USH2A: variants seen among roughly 807,000 people sequenced by gnomAD.
The protein encoded by USH2A is Usher syndrome 2A (autosomal recessive, mild).
USH2A carries 443 observed loss-of-function variants against 538.9 expected under a neutral mutation model. That is an observed-to-expected ratio of 0.82 (90% CI 0.76 to 0.89). The LOEUF (loss-of-function observed/expected upper bound fraction) is 0.89, where lower values mean the gene tolerates loss of function less well. Ranked by LOEUF, USH2A falls within the 40% of genes least tolerant of loss-of-function variation. The pLI, the probability that USH2A is intolerant of heterozygous loss-of-function variation, is 0.00. For synonymous variants in USH2A, 2,413 were observed against 2,273.5 expected (o/e 1.06, Z -1.75); for missense variants, 6,633 against 6,324.8 (o/e 1.05, Z -1.65).
intron 3 of USH2A, among the ~76,000 whole-genome samples, chr1:216,405,551 AT>A (rs2039381444): frequency 6.6e-6 from 1 of 152,218 alleles, no homozygotes; most frequent in Admixed American, 6.5e-5. Flanking sequence ...TTTATTTTAA[AT>A]GCTACAAAGG....
At chr1:215,907,847 G>C (rs1390083866) in intron 38 of USH2A, among the ~76,000 whole-genome samples, 5 of 152,008 alleles carry the variant, frequency 3.3e-5, no homozygotes, top group Non-Finnish European at 7.4e-5. Flanking sequence ...ATGAATCAAT[G>C]GTTGGAAAGA....
chr1:215,912,474 TA>T (rs1665818128), intron 38 of USH2A, among the ~76,000 whole-genome samples: 1 of 15,138 alleles, frequency 6.6e-5, no homozygotes, highest in Admixed American at 8.5e-4. Context: ...TATATATATA[TA>T]CGTATATATA....
chr1:216,005,903 T>C (rs757903757), intron 32 of USH2A, among the ~76,000 whole-genome samples: 1 of 152,254 alleles, frequency 6.6e-6, no homozygotes, highest in Non-Finnish European at 1.5e-5. Flanking sequence ...TTTTGTGATA[T>C]ATATTTATAT....
At chr1:216,041,513 T>C (rs188700695) in intron 32 of USH2A, among the ~76,000 whole-genome samples, 101 of 152,136 alleles carry the variant, frequency 6.6e-4, no homozygotes, top group African/African-American at 2.3e-3. Flanking sequence ...CGATTCTATA[T>C]GGAAACCTAA....
At chr1:215,696,420 G>C (rs1168355733) in intron 61 of USH2A, among the ~76,000 whole-genome samples, 1 of 152,180 alleles carries the variant, frequency 6.6e-6, no homozygotes, top group African/African-American at 2.4e-5. Context: ...CTGGAAAACT[G>C]TCAGAACTGA....
chr1:216,291,843 T>C (rs2037007879), intron 10 of USH2A, among the ~76,000 whole-genome samples: 1 of 152,194 alleles, frequency 6.6e-6, no homozygotes, highest in African/African-American at 2.4e-5. Context: ...ACTTTAAGGA[T>C]ATGTGTTCAA....
intron 35 of USH2A, among the ~76,000 whole-genome samples, chr1:215,975,305 T>C (rs541112103): frequency 1.3e-5 from 2 of 152,326 alleles, no homozygotes; most frequent in East Asian, 3.9e-4. Context: ...TAGTTTATTT[T>C]GCTGTGCTGA....
chr1:216,393,413 T>C (rs1417310948), intron 3 of USH2A, among the ~76,000 whole-genome samples: 1 of 152,164 alleles, frequency 6.6e-6, no homozygotes, highest in Non-Finnish European at 1.5e-5. Context: ...CATAAGTAAT[T>C]TGCATTCTAG....
At chr1:216,313,825 A>C (rs1360310400) in intron 9 of USH2A, among the ~76,000 whole-genome samples, 2 of 152,124 alleles carry the variant, frequency 1.3e-5, no homozygotes, top group East Asian at 3.9e-4. Flanking sequence ...TTCTCTCTGC[A>C]TTTCAAAGGC....
chr1:216,036,908 C>T (rs2030005408), intron 32 of USH2A, among the ~76,000 whole-genome samples: 1 of 151,908 alleles, frequency 6.6e-6, no homozygotes, highest in South Asian at 2.1e-4. Context: ...CAAAAGAGAA[C>T]ATATAAGGGA....
intron 40 of USH2A, among the ~76,000 whole-genome samples, chr1:215,896,043 C>T (rs1665331910): frequency 6.6e-6 from 1 of 152,192 alleles, no homozygotes; most frequent in Non-Finnish European, 1.5e-5. Flanking sequence ...TGTGGTTCAT[C>T]ATCAACTGAA....
rs1659745747 is a variant in USH2A, at chr1:215,724,241, AC to A, written c.12066+3788del. Among the ~76,000 whole-genome samples the A allele has an allele frequency of 5.0e-5, 7 of 140,556 alleles. No individual in the cohort carries two copies. In the South Asian group the frequency reaches 1.5e-3, roughly 29 times the overall value. The allele number at this position is 140,556 out of a possible 152,430, so 92.2% of individuals were successfully genotyped here. On this transcript the variant is annotated intron_variant, in intron 61 of 71. Coordinates refer to ENST00000307340, the MANE Select transcript of USH2A (RefSeq NM_206933.4). ...GTGAAACACACACACACACACACACACACACACAAACACACACACTGTAGAA... is the reference window on the plus strand; with the variant it reads ...GTGAAACACACACACACACACACACAACACACAAACACACACACTGTAGAA...
rs766030449 is a variant in USH2A, at chr1:216,281,865, GTT to G, written c.1971+7413_1971+7414del. Among the ~76,000 whole-genome samples, 586 of 96,438 alleles carry G rather than the reference GTT, an allele frequency of 6.1e-3. 2 individuals carry two copies. Among genetic ancestry groups the G allele is most frequent in the African/African-American group, 0.022 (564 of 25,202 alleles). The allele number at this position is 96,438 out of a possible 152,430, so 63.3% of individuals were successfully genotyped here. A position where few individuals can be genotyped will look rare whatever the true frequency, so the allele number is the denominator to read the frequency against. ...TCCTCACCAAATTTTGTTTTTGTCTGTTTTTTTTTTTTTTTTTTTTTTGAGTT... is the reference window on the plus strand; with the variant it reads ...TCCTCACCAAATTTTGTTTTTGTCTGTTTTTTTTTTTTTTTTTTTTGAGTT... On this transcript the variant is annotated intron_variant, in intron 11 of 71. Transcript: ENST00000307340.
At chr1:216,242,304 C>T (rs992428937) in intron 13 of USH2A, among the ~76,000 whole-genome samples, 5 of 151,076 alleles carry the variant, frequency 3.3e-5, no homozygotes, top group East Asian at 1.9e-4. Context: ...GCCGAGACTG[C>T]GCCACTGAAC....
chr1:216,207,137 G>A, intron 16 of USH2A, 136 bp downstream of exon 16: 8 of 1,011,092 alleles, frequency 7.9e-6, no homozygotes, highest in Non-Finnish European at 1.2e-5. Context: ...AGTGAAATTT[G>A]TAATTTTATC....
chr1:216,089,151 G>T lies in USH2A; in HGVS notation c.4759-12C>A, dbSNP rs1249512021. On this transcript the variant is annotated splice_polypyrimidine_tract_variant and intron_variant, in intron 22 of 71. Transcript: ENST00000307340. ...TCCACTGGTGACCCCTTAAGGGAATGAATGAATAAATAAATGTTTATACAT... is the reference window on the plus strand; with the variant it reads ...TCCACTGGTGACCCCTTAAGGGAATTAATGAATAAATAAATGTTTATACAT... The T allele has an allele frequency of 6.2e-7, 1 of 1,610,802 alleles. No homozygotes were observed. Among genetic ancestry groups the T allele is most frequent in the Non-Finnish European group, 8.5e-7 (1 of 1,177,660 alleles).
intron 43 of USH2A, among the ~76,000 whole-genome samples, chr1:215,867,507 C>A (rs1312184123): frequency 1.3e-5 from 2 of 152,208 alleles, no homozygotes; most frequent in Admixed American, 6.5e-5. Context: ...ATTCAAGATG[C>A]AATTACAAAT....
chr1:216,378,152 T>C (rs528938711), intron 3 of USH2A, among the ~76,000 whole-genome samples: 1 of 152,248 alleles, frequency 6.6e-6, no homozygotes, highest in South Asian at 2.1e-4. Flanking sequence ...CCTAAACTAT[T>C]TCCAGATATC....
intron 4 of USH2A, among the ~76,000 whole-genome samples, chr1:216,348,730 G>T (rs1048107829): frequency 3.3e-5 from 5 of 152,066 alleles, no homozygotes; most frequent in East Asian, 1.9e-4. Context: ...AAAAGAAAAA[G>T]AATTGCTTCA....
Sources: allele counts gnomAD v4.1 joint callset (sites outside exome capture counted in the v4.1 genomes callset), GRCh38; gene constraint gnomAD v4.1.1; transcripts MANE v1.5; gene names NCBI Gene and HGNC (gene_info 2026-07-23, HGNC 2026-07-21).